The following HYDIN variants were observed in gnomAD, a reference collection of about 807,000 sequenced individuals.
The protein encoded by HYDIN is axonemal central pair apparatus protein HYDIN.
HYDIN carries 132 observed loss-of-function variants against 403.9 expected under a neutral mutation model. That is an observed-to-expected ratio of 0.33 (90% CI 0.28 to 0.38). The LOEUF (loss-of-function observed/expected upper bound fraction) is 0.38. HYDIN is among the 10% of genes least tolerant of loss of function. The probability of loss-of-function intolerance (pLI) is 1.00; values close to 1 mark genes in which losing one functional copy is unlikely to be tolerated. For missense variants in HYDIN, 2,827 were observed against 5,009.5 expected (o/e 0.56, Z 13.15); for synonymous variants, 1,202 against 1,891.7 (o/e 0.64, Z 9.46).
intron 1 of HYDIN, among the ~76,000 whole-genome samples, chr16:71,223,443 C>T (rs533920540): frequency 4.6e-5 from 7 of 152,108 alleles, no homozygotes; most frequent in South Asian, 4.2e-4. Context: ...AGACCCTAAA[C>T]GCAAATGTGA....
At chr16:71,009,534 G>A (rs906501597) in intron 23 of HYDIN, among the ~76,000 whole-genome samples, 1 of 152,096 alleles carries the variant, frequency 6.6e-6, no homozygotes, top group Non-Finnish European at 1.5e-5. Context: ...CTCTGAATAG[G>A]TTGGATAAGG....
intron 53 of HYDIN, 141 bp from the exon 54 acceptor site, chr16:70,896,221 T>C: frequency 1.5e-6 from 1 of 651,194 alleles, no homozygotes. Context: ...TCGCCAAGCA[T>C]TTGGTAGGAT....
intron 36 of HYDIN, among the ~76,000 whole-genome samples, chr16:70,969,319 T>G (rs1357896491): frequency 2.0e-5 from 3 of 151,642 alleles, no homozygotes; most frequent in East Asian, 1.9e-4. Context: ...CCAAAGAAAT[T>G]TATGCCAAGA....
chr16:71,045,069 T>A (rs1330983438), intron 18 of HYDIN, among the ~76,000 whole-genome samples: 5 of 152,246 alleles, frequency 3.3e-5, no homozygotes, highest in Middle Eastern at 3.4e-3. Context: ...CCAGAGCCCA[T>A]CCTCTTCTAA....
At chr16:70,866,410 A>C (rs2143636621) in intron 66 of HYDIN, 81 bp from the exon 67 acceptor site, 1 of 1,003,068 alleles carries the variant, frequency 1.0e-6, no homozygotes, top group Non-Finnish European at 1.5e-6. Flanking sequence ...TAGAGAGACC[A>C]GAAACATTCT....
intron 1 of HYDIN, 39 bp from the exon 2 acceptor site, chr16:71,186,957 T>TA (rs748290412): frequency 1.7e-5 from 24 of 1,421,676 alleles, no homozygotes; most frequent in Non-Finnish European, 2.2e-5. Flanking sequence ...CAAATACAGT[T>TA]AATTCCTGAA....
At chr16:71,040,364 C>G (rs900688974) in intron 18 of HYDIN, among the ~76,000 whole-genome samples, 35 of 147,598 alleles carry the variant, frequency 2.4e-4, no homozygotes, top group African/African-American at 8.7e-4. Context: ...GATCCTGCTG[C>G]TCTCCTGCTG....
intron 20 of HYDIN, among the ~76,000 whole-genome samples, chr16:71,026,695 G>A (rs1454640990): frequency 6.6e-6 from 1 of 152,234 alleles, no homozygotes; most frequent in Non-Finnish European, 1.5e-5. Flanking sequence ...CTCCCCTTTT[G>A]TTGAACTGAG....
At chr16:70,931,195 GTCTC>G (rs1331320357) in intron 45 of HYDIN, among the ~76,000 whole-genome samples, 2 of 128,426 alleles carry the variant, frequency 1.6e-5, no homozygotes, top group African/African-American at 2.8e-5. Context: ...TGGGTTTTCT[GTCTC>G]TCTTTCTTCT....
intron 23 of HYDIN, among the ~76,000 whole-genome samples, chr16:71,011,054 G>A (rs1192747766): frequency 6.6e-6 from 1 of 152,216 alleles, no homozygotes; most frequent in Non-Finnish European, 1.5e-5. Context: ...GTCCATCTGT[G>A]GTTGTCTAAG....
At chr16:70,984,884 C>CG (rs2144028480) in intron 28 of HYDIN, among the ~76,000 whole-genome samples, 1 of 151,142 alleles carries the variant, frequency 6.6e-6, no homozygotes, top group South Asian at 2.1e-4. Flanking sequence ...ACAAGGGCAG[C>CG]GTGAAGACAT....
chr16:70,968,553 G>A (rs1264215558), intron 36 of HYDIN, among the ~76,000 whole-genome samples: 1 of 152,172 alleles, frequency 6.6e-6, no homozygotes, highest in African/African-American at 2.4e-5. Context: ...CTGCCCAGCA[G>A]TAATGAAGAG....
chr16:71,218,425 C>T (rs1368130209), intron 1 of HYDIN, among the ~76,000 whole-genome samples: 1 of 152,162 alleles, frequency 6.6e-6, no homozygotes, highest in East Asian at 1.9e-4. Context: ...CTGAAGAACC[C>T]ACTGGGTTAC....
chr16:71,226,487 G>A (rs1056047481), intron 1 of HYDIN, among the ~76,000 whole-genome samples: 4 of 152,126 alleles, frequency 2.6e-5, no homozygotes, highest in African/African-American at 9.7e-5. Context: ...GTCTGAGAAA[G>A]AAACATTGAG....
At chr16:71,196,126 C>A (rs1045620964) in intron 1 of HYDIN, among the ~76,000 whole-genome samples, 2 of 152,116 alleles carry the variant, frequency 1.3e-5, no homozygotes, top group Non-Finnish European at 2.9e-5. Flanking sequence ...ACTTTTGTCA[C>A]AAGGAAATTC....
intron 8 of HYDIN, among the ~76,000 whole-genome samples, chr16:71,135,928 GGGTTCTTCCTGGTTTCCACGGACCT>G (rs2084902782): frequency 6.6e-6 from 1 of 150,842 alleles, no homozygotes; most frequent in Non-Finnish European, 1.5e-5. Flanking sequence ...CACACTGGGG[GGGTTCTTCCTGGTTTCCACGGACCT>G]AAGACTTTTA....
intron 18 of HYDIN, among the ~76,000 whole-genome samples, chr16:71,053,817 T>A (rs1177681224): frequency 8.5e-5 from 13 of 152,166 alleles, no homozygotes; most frequent in Non-Finnish European, 1.9e-4. Flanking sequence ...GGTAAATAAA[T>A]GTGGGGAAAG....
At chr16:71,128,171 T>C (rs539107130) in intron 9 of HYDIN, among the ~76,000 whole-genome samples, 2 of 152,352 alleles carry the variant, frequency 1.3e-5, no homozygotes, top group South Asian at 4.1e-4. Flanking sequence ...CCTCAGCCTC[T>C]GAACTAGAAT....
intron 23 of HYDIN, among the ~76,000 whole-genome samples, chr16:71,010,053 T>C (rs1454847875): frequency 7.8e-6 from 1 of 127,896 alleles, no homozygotes; most frequent in Non-Finnish European, 1.6e-5. Context: ...TCCCACTGGG[T>C]TCACTCTTGG....
Sources: gnomAD v4.1 joint callset for allele counts (sites outside exome capture counted in the v4.1 genomes callset) on GRCh38, gnomAD v4.1.1 for gene constraint, MANE v1.5 for transcripts, NCBI Gene and HGNC (gene_info 2026-07-23, HGNC 2026-07-21) for gene names.